Variants in ASTE1 observed in about 807,000 individuals in gnomAD.
ASTE1 encodes the protein single-strand DNA endonuclease ASTE1.
Under a neutral mutation model 45.8 loss-of-function variants are expected in ASTE1, and 49 were observed. The observed-to-expected ratio is 1.07, with a 90% CI of 0.85 to 1.36. ASTE1 has a LOEUF of 1.36. Among genes scored for constraint, ASTE1 ranks in the 40% most tolerant of loss-of-function variants. The pLI is 0.00. For synonymous variants in ASTE1, 296 were observed against 303.9 expected (o/e 0.97, Z 0.27); for missense variants, 709 against 804.0 (o/e 0.88, Z 1.43).
chr3:131,022,489 T>TA (rs2063755935), intron 3 of ASTE1, among the ~76,000 whole-genome samples: 1 of 132,832 alleles, frequency 7.5e-6, no homozygotes, highest in African/African-American at 3.1e-5. Flanking sequence ...GGCAAAAAAT[T>TA]TTTTTTTTTT....
At position 131,021,768 on chromosome 3, in the gene ASTE1, T is replaced by C. The variant is rs895368364; in HGVS notation, c.1302+2237A>G. Among the ~76,000 whole-genome samples, 58 of 152,168 alleles carry C rather than the reference T, an allele frequency of 3.8e-4. 1 individual carries two copies. Among genetic ancestry groups the C allele is most frequent in the African/African-American group, 1.4e-3 (56 of 41,426 alleles). Reference sequence around the variant, plus strand: ...TAATTGTAGGATGACTTCACAGATGTAGACATCTCAAAACTCATCAAAGTA... The same window carrying C: ...TAATTGTAGGATGACTTCACAGATGCAGACATCTCAAAACTCATCAAAGTA... On this transcript the variant is annotated intron_variant, in intron 3 of 5. Transcript: ENST00000264992.
chr3:131,016,161 T>C lies in ASTE1; in HGVS notation c.1692A>G (p.Pro564=), dbSNP rs372714897. The C allele has an allele frequency of 3.1e-6, 5 of 1,614,016 alleles. No individual in the cohort carries two copies. The African/African-American group carries it at 6.7e-5, about 22-fold the overall frequency. ...YLNQLLSTPL[P]EPDLTRLYSG... ...GTGCTTACCGAGTTAGGTCTGGCTC[T>C]GGGAGAGGAGTGGACAGCAGCTGGT... The change falls in exon 5 of 6, where the codon CCA becomes CCG. Residue 564 remains proline (P), a synonymous_variant. Coordinates refer to ENST00000264992, the MANE Select transcript of ASTE1 (RefSeq NM_014065.4).
chr3:131,015,885 T>G (rs2063601812), intron 5 of ASTE1: 1 of 556,654 alleles, frequency 1.8e-6, no homozygotes, highest in Non-Finnish European at 3.3e-6. Flanking sequence ...CACATATTAA[T>G]GTATTACTTA....
In ASTE1 at chr3:131,024,014, T is replaced by A. The variant is rs147519770; in HGVS notation, c.1293A>T (p.Arg431Ser). The stretch of plus-strand genomic sequence containing the variant: ...TATTACAAATACTTACCTCAGTCAA[T>A]CTGCTTAAGTCAGAATGATCCTTGG... Reference protein sequence around the residue: ...ELAKDHSDLSRLTELSLRRRQ... With the variant: ...ELAKDHSDLSSLTELSLRRRQ... Residue 431 changes from arginine (R) to serine (S), a missense_variant, in exon 3 of 6, where the codon AGA becomes AGT. Coordinates refer to ENST00000264992, the MANE Select transcript of ASTE1 (RefSeq NM_014065.4). 15 of 1,586,602 alleles carry A rather than the reference T, an allele frequency of 9.5e-6. No homozygotes were observed. The highest frequency in any genetic ancestry group is 1.7e-4 in the Middle Eastern group (1 of 5,898).
At chr3:131,016,892 T>G in intron 4 of ASTE1, 1 of 789,564 alleles carries the variant, frequency 1.3e-6, no homozygotes, top group Non-Finnish European at 1.8e-6. Context: ...ATAAGGAATG[T>G]TGTGTGTTTT....
In ASTE1 at chr3:131,014,300, C is replaced by G; in HGVS notation, c.1797G>C (p.Glu599Asp). 1 of 1,614,012 alleles carries G rather than the reference C, an allele frequency of 6.2e-7. No individual in the cohort carries two copies. The highest frequency in any genetic ancestry group is 8.5e-7 in the Non-Finnish European group (1 of 1,180,004). The change falls in exon 6 of 6, where the codon GAG becomes GAC. Residue 599 changes from glutamate (E) to aspartate (D), a missense_variant. Transcript: ENST00000264992. ...SVESLLSICP[E>D]AKQLYEYLFN... ...ATAGATATTCATAAAGTTGCTTAGC[C>G]TCAGGACATATGCTCAGGAGACTTT...
At chr3:131,016,069 C>T in intron 5 of ASTE1, 75 bp downstream of exon 5, 1 of 1,495,704 alleles carries the variant, frequency 6.7e-7, no homozygotes, top group Non-Finnish European at 9.1e-7. Flanking sequence ...AACTTTGTTG[C>T]TTTAAATATA....
At chr3:131,023,136 G>C (rs559607971) in intron 3 of ASTE1, among the ~76,000 whole-genome samples, 86 of 152,278 alleles carry the variant, frequency 5.6e-4, no homozygotes, top group African/African-American at 2.0e-3. Flanking sequence ...AGAAAAGGAA[G>C]ACCTGACTTA....
intron 2 of ASTE1, 65 bp from the exon 3 acceptor site, chr3:131,025,396 C>T: frequency 6.6e-7 from 1 of 1,518,564 alleles, no homozygotes; most frequent in Non-Finnish European, 8.8e-7. Context: ...TCATTGCTTC[C>T]AGCACCATTA....
chr3:131,018,896 T>C (rs1183280353), intron 3 of ASTE1, among the ~76,000 whole-genome samples, 180 bp from the exon 4 acceptor site: 1 of 152,196 alleles, frequency 6.6e-6, no homozygotes, highest in Non-Finnish European at 1.5e-5. Context: ...TAAGATGCTT[T>C]ATAAATATGG....
rs746580839 is a variant in ASTE1 at position 131,024,297 on chromosome 3, T to C, written c.1010A>G (p.Gln337Arg). 27 of 1,614,116 alleles carry C rather than the reference T, an allele frequency of 1.7e-5. No homozygotes were observed. Among genetic ancestry groups the C allele is most frequent in the Non-Finnish European group, 2.0e-5 (24 of 1,180,050 alleles). Residue 337 changes from glutamine (Q) to arginine (R), a missense_variant, in exon 3 of 6, where the codon CAG (glutamine) becomes CGG (arginine). By Grantham distance (43) the Gln-to-Arg change is conservative. Coordinates refer to ENST00000264992, the MANE Select transcript of ASTE1 (RefSeq NM_014065.4). ...AGCATCACTGATGAAAGGAGATAGC[T>C]GGCCTTTAGCTAAAGCCACTAATAC... Reference protein sequence around the residue: ...EWVLVALAKGQLSPFISDALV... With the variant: ...EWVLVALAKGRLSPFISDALV...
At chr3:131,020,160 C>T (rs375978004) in intron 3 of ASTE1, among the ~76,000 whole-genome samples, 4 of 152,282 alleles carry the variant, frequency 2.6e-5, no homozygotes, top group African/African-American at 9.6e-5. Flanking sequence ...TGGCTTTGGT[C>T]GAAAGGTTTC....
chr3:131,014,369 C>G lies in ASTE1; in HGVS notation c.1728G>C (p.Leu576=). The G allele has an allele frequency of 1.2e-6, 2 of 1,602,492 alleles. No individual in the cohort carries two copies. The highest frequency in any genetic ancestry group is 1.7e-6 in the Non-Finnish European group (2 of 1,175,966). Residue 576 remains leucine, a synonymous_variant, in exon 6 of 6, where the codon CTG becomes CTC. Coordinates refer to ENST00000264992, the MANE Select transcript of ASTE1 (RefSeq NM_014065.4). ...PDLTRLYSGS[L]VHGLCQQLLA... Reference sequence around the variant, plus strand: ...GCAGTTGCTGGCATAGTCCGTGCACCAGGCTTCCACTGTACAGTCTGTTCA... The same window carrying G: ...GCAGTTGCTGGCATAGTCCGTGCACGAGGCTTCCACTGTACAGTCTGTTCA...
chr3:131,021,208 G>A (rs547684109), intron 3 of ASTE1, among the ~76,000 whole-genome samples: 10 of 152,142 alleles, frequency 6.6e-5, no homozygotes, highest in Admixed American at 2.0e-4. Context: ...CAAAGGACCC[G>A]TATATGATAA....
At position 131,014,248 on chromosome 3, in the gene ASTE1, C is replaced by T. The variant is rs145217678; in HGVS notation, c.1849G>A (p.Ala617Thr). 2.8e-4 allele frequency: 449 copies of T among 1,613,522 alleles called. No individual in the cohort carries two copies. Among genetic ancestry groups the T allele is most frequent in the Admixed American group, 1.2e-3 (72 of 59,898 alleles). ...LFNATRSYAP[A>T]EIFLPKGRSN... ...CTACCTTTTGGTAGGAATATTTCAG[C>T]GGGGGCATATGACCTTGTGGCATTG... is the stretch of plus-strand genomic sequence containing the variant. The change falls in exon 6 of 6, where the codon GCT (alanine) becomes ACT (threonine). Residue 617 changes from alanine to threonine, a missense_variant. Physicochemically the swap from Ala to Thr is moderately conservative, Grantham distance 58. Coordinates refer to ENST00000264992, the MANE Select transcript of ASTE1 (RefSeq NM_014065.4).
Position 131,025,482 on chromosome 3 carries a change from T to C in ASTE1, c.-34A>G. Reference sequence around the variant, plus strand: ...ACATCATAAATTCTTACCTAGATCCTCAAGCAATGTTAGCTGTGCTTTTTC... The same window carrying C: ...ACATCATAAATTCTTACCTAGATCCCCAAGCAATGTTAGCTGTGCTTTTTC... On this transcript the variant is annotated 5_prime_UTR_variant, in exon 2 of 6. Transcript: ENST00000264992. 3 of 1,052,348 alleles carry C rather than the reference T, an allele frequency of 2.9e-6. No homozygotes were observed. Among genetic ancestry groups the C allele is most frequent in the Non-Finnish European group, 3.9e-6 (3 of 772,870 alleles). 65.2% of individuals were successfully genotyped at this position (1,052,348 alleles called of 1,614,324 possible).
chr3:131,018,725 A>T lies in ASTE1; in HGVS notation c.1303-9T>A. The T allele has an allele frequency of 6.2e-7, 1 of 1,613,036 alleles. No individual in the cohort carries two copies. ...CGCCTCCTCAAGGAGAGCTGAAAATACACACCAAGTATCCTGCAAGTTACT... is the reference window on the plus strand; with the variant it reads ...CGCCTCCTCAAGGAGAGCTGAAAATTCACACCAAGTATCCTGCAAGTTACT... On this transcript the variant is annotated splice_polypyrimidine_tract_variant and intron_variant, in intron 3 of 5. Transcript: ENST00000264992.
At chr3:131,025,707 T>G (rs2063838218) in intron 1 of ASTE1, 113 bp from the exon 2 acceptor site, 1 of 169,958 alleles carries the variant, frequency 5.9e-6, no homozygotes, top group Admixed American at 6.1e-5. Context: ...ATTTGTTTTG[T>G]GGGGTCAAAG....
chr3:131,024,230 G>A lies in ASTE1; in HGVS notation c.1077C>T (p.Asn359=). Residue 359 remains asparagine, a synonymous_variant, in exon 3 of 6, where the codon AAC becomes AAT. Coordinates refer to ENST00000264992, the MANE Select transcript of ASTE1 (RefSeq NM_014065.4). ...RRTILPTQVE[N]MQQPNAHRIS... is the part of the protein sequence containing the mutation. ...TTCTGTGGGCATTTGGTTGCTGCAT[G>A]TTTTCCACCTGTGTGGGAAGAATGG... The A allele has an allele frequency of 6.2e-7, 1 of 1,614,218 alleles. No individual in the cohort carries two copies. Among genetic ancestry groups the A allele is most frequent in the South Asian group, 1.1e-5 (1 of 91,086 alleles).
Sources: gnomAD v4.1 joint callset for allele counts (sites outside exome capture counted in the v4.1 genomes callset) on GRCh38, gnomAD v4.1.1 for gene constraint, MANE v1.5 for transcripts, NCBI Gene and HGNC (gene_info 2026-07-23, HGNC 2026-07-21) for gene names.